Variants in MMP16 observed in about 807,000 individuals in gnomAD.
The protein encoded by MMP16 is matrix metalloproteinase-16.
Under a neutral mutation model 67.8 loss-of-function variants are expected in MMP16, and 12 were observed. That is an observed-to-expected ratio of 0.18 (90% CI 0.11 to 0.29). The LOEUF is 0.29. MMP16 is among the 10% of genes least tolerant of loss of function. The probability of loss-of-function intolerance (pLI) is 1.00; values close to 1 mark genes in which losing one functional copy is unlikely to be tolerated. For missense variants in MMP16, 475 were observed against 765.7 expected, an observed-to-expected ratio of 0.62 and a Z score of 4.48; for synonymous variants, 249 against 255.9, an observed-to-expected ratio of 0.97 and a Z score of 0.26.
At chr8:88,320,901 A>C (rs1383400527) in intron 1 of MMP16, among the ~76,000 whole-genome samples, 1 of 152,140 alleles carries the variant, frequency 6.6e-6, no homozygotes, top group African/African-American at 2.4e-5. Flanking sequence ...ACAATGCCAA[A>C]CAGTTGTGGT....
At chr8:88,302,275 C>A (rs1811115275) in intron 1 of MMP16, among the ~76,000 whole-genome samples, 1 of 152,132 alleles carries the variant, frequency 6.6e-6, no homozygotes, top group South Asian at 2.1e-4. Flanking sequence ...GAAGAAGTTG[C>A]CAGAGGGAGG....
At chr8:88,158,134 G>A (rs1179653953) in intron 4 of MMP16, among the ~76,000 whole-genome samples, 7 of 152,050 alleles carry the variant, frequency 4.6e-5, no homozygotes, top group African/African-American at 4.8e-5. Context: ...ATAAACATAC[G>A]TGTGCATGTG....
At chr8:88,245,056 T>C (rs1810091947) in intron 1 of MMP16, among the ~76,000 whole-genome samples, 1 of 152,116 alleles carries the variant, frequency 6.6e-6, no homozygotes, top group African/African-American at 2.4e-5. Context: ...TTTTCTTCCC[T>C]GAGGTTTTAA....
intron 6 of MMP16, among the ~76,000 whole-genome samples, chr8:88,114,690 T>C (rs1586158707): frequency 6.6e-6 from 1 of 151,944 alleles, no homozygotes; most frequent in Non-Finnish European, 1.5e-5. Context: ...GAAATTATTC[T>C]TAGAAAGAAA....
chr8:88,096,728 G>A (rs967699328), intron 6 of MMP16, among the ~76,000 whole-genome samples: 3 of 151,926 alleles, frequency 2.0e-5, no homozygotes, highest in African/African-American at 7.2e-5. Context: ...TGTTAAATAT[G>A]CAACCCTCAT....
chr8:88,138,558 C>G (rs946436362), intron 4 of MMP16, among the ~76,000 whole-genome samples: 1 of 151,942 alleles, frequency 6.6e-6, no homozygotes, highest in South Asian at 2.1e-4. Flanking sequence ...GGATCTTGGC[C>G]CCTTAATCGT....
chr8:88,095,056 CAG>C (rs950746721), intron 6 of MMP16, among the ~76,000 whole-genome samples: 10 of 151,804 alleles, frequency 6.6e-5, no homozygotes, highest in African/African-American at 2.2e-4. Flanking sequence ...AAATTATAGA[CAG>C]AGTTGATTAG....
chr8:88,139,685 GAATA>G (rs541486736), intron 4 of MMP16, among the ~76,000 whole-genome samples: 50 of 152,040 alleles, frequency 3.3e-4, no homozygotes, highest in African/African-American at 8.0e-4. Flanking sequence ...ATTAATTACT[GAATA>G]AATATAATGT....
intron 4 of MMP16, among the ~76,000 whole-genome samples, chr8:88,148,196 G>T (rs953206226): frequency 6.6e-6 from 1 of 152,240 alleles, no homozygotes; most frequent in African/African-American, 2.4e-5. Context: ...ATAGTCACTT[G>T]ATGTCTGCTC....
At chr8:88,286,737 G>A (rs556029057) in intron 1 of MMP16, among the ~76,000 whole-genome samples, 81 of 151,890 alleles carry the variant, frequency 5.3e-4, no homozygotes, top group Non-Finnish European at 6.0e-4. Flanking sequence ...CACCATGCCC[G>A]GCTAATTTTT....
intron 2 of MMP16, among the ~76,000 whole-genome samples, chr8:88,190,261 T>A (rs919912186): frequency 9.2e-5 from 14 of 152,336 alleles, no homozygotes; most frequent in African/African-American, 3.1e-4. Context: ...GGCACAGAGA[T>A]ATTAGTGGGT....
chr8:88,196,408 T>C (rs1038519715), intron 2 of MMP16, among the ~76,000 whole-genome samples: 7 of 152,172 alleles, frequency 4.6e-5, no homozygotes, highest in African/African-American at 1.7e-4. Context: ...TTTGCGATTA[T>C]GTCTATCTAT....
At chr8:88,289,083 A>G (rs1810878833) in intron 1 of MMP16, among the ~76,000 whole-genome samples, 1 of 152,138 alleles carries the variant, frequency 6.6e-6, no homozygotes, top group Admixed American at 6.5e-5. Flanking sequence ...TGGGGAGAAC[A>G]TTTGAATCAG....
chr8:88,114,892 A>G (rs1048014459), intron 6 of MMP16, among the ~76,000 whole-genome samples: 12 of 151,880 alleles, frequency 7.9e-5, no homozygotes, highest in Non-Finnish European at 1.3e-4. Flanking sequence ...AGTCTGATCC[A>G]TGTACTTTTT....
intron 6 of MMP16, among the ~76,000 whole-genome samples, chr8:88,114,155 A>G (rs190169461): frequency 8.9e-4 from 135 of 151,976 alleles, no homozygotes; most frequent in Non-Finnish European, 1.4e-3. Context: ...TGGTTATCCA[A>G]TCTGTGACAA....
chr8:88,306,003 T>C (rs1811206119), intron 1 of MMP16, among the ~76,000 whole-genome samples: 2 of 147,468 alleles, frequency 1.4e-5, no homozygotes, highest in South Asian at 4.2e-4. Context: ...CAGGAGGTGT[T>C]TTTTTTTTTG....
At chr8:88,181,588 T>C (rs1287775039) in intron 3 of MMP16, among the ~76,000 whole-genome samples, 1 of 151,264 alleles carries the variant, frequency 6.6e-6, no homozygotes, top group Non-Finnish European at 1.5e-5. Flanking sequence ...TAATATATAA[T>C]ATTTATGTTA....
chr8:88,120,426 C>A (rs75796344), intron 4 of MMP16, among the ~76,000 whole-genome samples: 3 of 151,824 alleles, frequency 2.0e-5, no homozygotes, highest in African/African-American at 7.3e-5. Context: ...AGTTAAAATA[C>A]AAATCTGATA....
chr8:88,269,038 AG>A (rs1810523577), intron 1 of MMP16, among the ~76,000 whole-genome samples: 2 of 152,122 alleles, frequency 1.3e-5, no homozygotes, highest in Admixed American at 6.5e-5. Context: ...TGAAGCACTC[AG>A]TTTTATATAT....
Sources: gnomAD v4.1 joint callset for allele counts (sites outside exome capture counted in the v4.1 genomes callset) on GRCh38, gnomAD v4.1.1 for gene constraint, MANE v1.5 for transcripts, NCBI Gene and HGNC (gene_info 2026-07-23, HGNC 2026-07-21) for gene names.